The following PCDHGB4 variants were observed in gnomAD, a reference collection of about 807,000 sequenced individuals.
PCDHGB4 encodes protocadherin gamma-B4.
In PCDHGB4, 38 loss-of-function variants were observed where a neutral mutation model predicts 60.5. That is an observed-to-expected ratio of 0.63 (90% CI 0.48 to 0.82). The LOEUF is 0.82. Ranked by LOEUF, PCDHGB4 falls within the 40% of genes least tolerant of loss-of-function variation. PCDHGB4 has a pLI of 0.00. For synonymous variants in PCDHGB4, 456 were observed against 509.7 expected (o/e 0.89, Z 1.42); for missense variants, 1,109 against 1,209.6 (o/e 0.92, Z 1.23).
At chr5:141,478,519 G>A in intron 1 of PCDHGB4, 2 of 1,610,728 alleles carry the variant, frequency 1.2e-6, no homozygotes, top group Non-Finnish European at 1.7e-6. Context: ...GGCAGGTGTT[G>A]GGTGCAGAGA....
intron 1 of PCDHGB4, chr5:141,430,854 G>A (rs140440273): frequency 5.0e-6 from 8 of 1,587,648 alleles, no homozygotes; most frequent in Middle Eastern, 1.7e-4. Flanking sequence ...ACCCAGATAC[G>A]CTATTCAGTT....
At chr5:141,469,314 C>A (rs982242861) in intron 1 of PCDHGB4, among the ~76,000 whole-genome samples, 1 of 151,982 alleles carries the variant, frequency 6.6e-6, no homozygotes, top group Non-Finnish European at 1.5e-5. Flanking sequence ...CGATGGCTCA[C>A]GCCTGTAATC....
chr5:141,416,478 C>T (rs1186938693), intron 1 of PCDHGB4: 4 of 151,994 alleles, frequency 2.6e-5, no homozygotes, highest in Non-Finnish European at 4.4e-5. Context: ...TACATGTTCC[C>T]GAGAACAGGA....
At chr5:141,498,467 G>C (rs535351060) in intron 2 of PCDHGB4, among the ~76,000 whole-genome samples, 1 of 152,116 alleles carries the variant, frequency 6.6e-6, no homozygotes, top group East Asian at 1.9e-4. Context: ...GTCTAACCCT[G>C]GTTCCAGCCT....
At chr5:141,421,841 AAG>A in intron 1 of PCDHGB4, 1 of 1,613,750 alleles carries the variant, frequency 6.2e-7, no homozygotes. Context: ...GACCGAGAGA[AAG>A]AGGCTGCTCA....
intron 1 of PCDHGB4, chr5:141,404,823 G>A (rs1283913930): frequency 6.2e-7 from 1 of 1,610,946 alleles, no homozygotes. Flanking sequence ...CTGCACACAG[G>A]TGAAGTGCGC....
At chr5:141,405,632 G>A (rs1487962714) in intron 1 of PCDHGB4, 9 of 530,162 alleles carry the variant, frequency 1.7e-5, no homozygotes, top group African/African-American at 1.2e-4. Flanking sequence ...GTGCCACCAC[G>A]CCCGGCTAAT....
At chr5:141,457,448 A>G (rs1296079061) in intron 1 of PCDHGB4, among the ~76,000 whole-genome samples, 2 of 152,196 alleles carry the variant, frequency 1.3e-5, no homozygotes, top group Non-Finnish European at 2.9e-5. Flanking sequence ...GCAGAAGATC[A>G]CCACTTGATT....
chr5:141,443,656 A>T (rs139300845), intron 1 of PCDHGB4, among the ~76,000 whole-genome samples: 1 of 152,256 alleles, frequency 6.6e-6, no homozygotes, highest in African/African-American at 2.4e-5. Flanking sequence ...TTAGCATAGC[A>T]TTTTACTGAA....
In PCDHGB4 at chr5:141,395,432, G is replaced by A. The variant is rs963118371; in HGVS notation, c.2397+5151G>A. ...GTTATTGTTTCATTTGCTTTTAAAC[G>A]ACTTGGAAAAGATTGTTCAACCATT... On this transcript the variant is annotated intron_variant, in intron 1 of 3. Coordinates refer to ENST00000519479, the MANE Select transcript of PCDHGB4 (RefSeq NM_003736.4). The A allele has an allele frequency of 8.6e-6, 6 of 701,470 alleles. No homozygotes were observed. In the African/African-American group the frequency reaches 9.1e-5, roughly 11 times the overall value. The allele number at this position is 701,470 out of a possible 1,614,324, so 43.5% of individuals were successfully genotyped here. A position where few individuals can be genotyped will look rare whatever the true frequency, so the allele number is the denominator to read the frequency against.
chr5:141,511,144 A>C lies in PCDHGB4; in HGVS notation c.2743A>C (p.Lys915Gln). 2 of 1,614,202 alleles carry C rather than the reference A, an allele frequency of 1.2e-6. No homozygotes were observed. The highest frequency in any genetic ancestry group is 1.7e-6 in the Non-Finnish European group (2 of 1,180,016). The change falls in exon 4 of 4, where the codon AAG becomes CAG. Residue 915 changes from lysine to glutamine, a missense_variant. By Grantham distance (53) the Lys-to-Gln change is moderately conservative. Transcript: ENST00000519479. Reference sequence around the variant, plus strand: ...CCCAGCAGGTGGCAATGGCAACAAGAAGAAGTCGGGCAAGAAGGAGAAGAA... The same window carrying C: ...CCCAGCAGGTGGCAATGGCAACAAGCAGAAGTCGGGCAAGAAGGAGAAGAA... ...KAPAGGNGNK[K>Q]KSGKKEKK
Position 141,485,428 on chromosome 5 carries a change from C to T in PCDHGB4, c.2398-9379C>T, listed in dbSNP as rs2099613200. Reference sequence around the variant, plus strand: ...TGGATTTGGACAGCGGAGCCCTGCTCATCAAGAACCCAATCGACCGAGAGG... The same window carrying T: ...TGGATTTGGACAGCGGAGCCCTGCTTATCAAGAACCCAATCGACCGAGAGG... On this transcript the variant is annotated intron_variant, in intron 1 of 3. Transcript: ENST00000519479. The surrounding 1 kb of genome is among the most constrained non-coding windows in gnomAD (Gnocchi z 5.7). The T allele has an allele frequency of 2.5e-6, 4 of 1,614,160 alleles. No homozygotes were observed. The highest frequency in any genetic ancestry group is 3.4e-6 in the Non-Finnish European group (4 of 1,180,022).
At position 141,455,354 on chromosome 5, in the gene PCDHGB4, T is replaced by C. The variant is rs185319743; in HGVS notation, c.2398-39453T>C. ...TGGTTTTAAGGAGCGGAGAGTTTAA[T>C]AGGCAAGAAGGAAGGGAGAAGACAG... On this transcript the variant is annotated intron_variant, in intron 1 of 3. Coordinates refer to ENST00000519479, the MANE Select transcript of PCDHGB4 (RefSeq NM_003736.4). Among the ~76,000 whole-genome samples the C allele has an allele frequency of 1.7e-3, 263 of 152,180 alleles. 2 individuals are homozygous for C. The highest frequency in any genetic ancestry group is 3.0e-3 in the Non-Finnish European group (207 of 68,010).
rs577770679 is a variant in PCDHGB4, at chr5:141,458,782, G to A, written c.2398-36025G>A. Reference sequence around the variant, plus strand: ...GGGTCTTGCTGTGTCACACAGGCTGGAGTGCAGTGGTGTGATCTCAGCTCA... The same window carrying A: ...GGGTCTTGCTGTGTCACACAGGCTGAAGTGCAGTGGTGTGATCTCAGCTCA... On this transcript the variant is annotated intron_variant, in intron 1 of 3. Coordinates refer to ENST00000519479, the MANE Select transcript of PCDHGB4 (RefSeq NM_003736.4). 3.3e-5 allele frequency among the ~76,000 whole-genome samples: 5 copies of A among 152,020 alleles called. No homozygotes were observed. In the East Asian group the frequency reaches 9.7e-4, roughly 30 times the overall value.
intron 2 of PCDHGB4, among the ~76,000 whole-genome samples, chr5:141,499,015 AG>A (rs2099788530): frequency 6.6e-6 from 1 of 151,284 alleles, no homozygotes; most frequent in Non-Finnish European, 1.5e-5. Context: ...GAAGGAAGGA[AG>A]GAAGGAAGGA....
chr5:141,446,043 A>T (rs1374577548), intron 1 of PCDHGB4, among the ~76,000 whole-genome samples: 2 of 152,226 alleles, frequency 1.3e-5, no homozygotes, highest in Non-Finnish European at 2.9e-5. Flanking sequence ...AAATGGAAGA[A>T]GAGCTGGCTT....
In PCDHGB4 at chr5:141,432,139, T is replaced by A. The variant is rs950514553; in HGVS notation, c.2397+41858T>A. ...TCCCTCAGGCCTCCTATTCCGCTTA[T>A]ATCCCAGAGAACAATCCCAGAGGAG... is the stretch of plus-strand genomic sequence containing the variant. On this transcript the variant is annotated intron_variant, in intron 1 of 3. Transcript: ENST00000519479. The surrounding 1 kb of genome is among the most constrained non-coding windows in gnomAD (Gnocchi z 6.0). The A allele has an allele frequency of 6.8e-6, 11 of 1,613,976 alleles. No individual in the cohort carries two copies. Among genetic ancestry groups the A allele is most frequent in the Non-Finnish European group, 9.3e-6 (11 of 1,180,032 alleles).
At chr5:141,425,546 A>G (rs2096882460) in intron 1 of PCDHGB4, among the ~76,000 whole-genome samples, 1 of 152,202 alleles carries the variant, frequency 6.6e-6, no homozygotes, top group African/African-American at 2.4e-5. Flanking sequence ...CTTTTCAGAA[A>G]CCTCTTTTAT....
In PCDHGB4 at chr5:141,431,775, A is replaced by T; in HGVS notation, c.2397+41494A>T. 6.2e-7 allele frequency: 1 copy of T among 1,614,204 alleles called. No homozygotes were observed. Among genetic ancestry groups the T allele is most frequent in the Non-Finnish European group, 8.5e-7 (1 of 1,180,024 alleles). ...GCCAAAGTCCTGATCACTGTTCTGG[A>T]CGTGAACGACAATGCCCCAGAAGTG... On this transcript the variant is annotated intron_variant, in intron 1 of 3. Transcript: ENST00000519479. This position sits in a 1 kb window ranked among gnomAD's most constrained non-coding sequence, Gnocchi z 4.8.
Sources: allele counts gnomAD v4.1 joint callset (sites outside exome capture counted in the v4.1 genomes callset), GRCh38; gene constraint gnomAD v4.1.1; non-coding constraint Gnocchi (gnomAD v3.1); transcripts MANE v1.5; gene names NCBI Gene and HGNC (gene_info 2026-07-23, HGNC 2026-07-21).